The following HKDC1 variants were observed in gnomAD, a reference collection of about 807,000 sequenced individuals.
HKDC1 encodes the protein hexokinase domain containing 1.
A neutral mutation model predicts 96.6 loss-of-function variants in HKDC1; 66 were observed. That is an observed-to-expected ratio of 0.68 (90% CI 0.56 to 0.84). HKDC1 has a LOEUF of 0.84. HKDC1 is among the 40% of genes least tolerant of loss of function. HKDC1 has a pLI of 0.00. For synonymous variants in HKDC1, 466 were observed against 473.1 expected (o/e 0.98, Z 0.20); for missense variants, 1,211 against 1,208.1 (o/e 1.00, Z -0.04).
rs1342742396 is a variant in HKDC1, at chr10:69,238,601, C to A, written c.496-441C>A. On this transcript the variant is annotated intron_variant, in intron 4 of 17. Transcript: ENST00000354624. ...CCTTGTTAGCCAGGATGGTCTCGAT[C>A]TCCTGACCTCATGATCCACCCGCCT... Among the ~76,000 whole-genome samples the A allele has an allele frequency of 6.7e-5, 2 of 29,810 alleles. 1 individual carries two copies. The highest frequency in any genetic ancestry group is 5.6e-4 in the Admixed American group (2 of 3,574). 19.6% of individuals were successfully genotyped at this position (29,810 alleles called of 152,430 possible). A position where few individuals can be genotyped will look rare whatever the true frequency, so the allele number is the denominator to read the frequency against.
In HKDC1 at chr10:69,250,667, C is replaced by A; in HGVS notation, c.1836+15C>A. ...GCATTGACAAGGTAAGATAGCCCCA[C>A]CAGGCTCACGGCCAGCCCAGTGGGC... On this transcript the variant is annotated intron_variant, in intron 12 of 17. Coordinates refer to ENST00000354624, the MANE Select transcript of HKDC1 (RefSeq NM_025130.4). The A allele has an allele frequency of 6.2e-7, 1 of 1,612,556 alleles. No homozygotes were observed. Among genetic ancestry groups the A allele is most frequent in the Non-Finnish European group, 8.5e-7 (1 of 1,179,932 alleles).
intron 12 of HKDC1, among the ~76,000 whole-genome samples, chr10:69,252,138 T>A (rs1843652305): frequency 6.6e-6 from 1 of 152,202 alleles, no homozygotes; most frequent in Non-Finnish European, 1.5e-5. Context: ...TTGAAGAACA[T>A]CATAGTTTAT....
At position 69,233,108 on chromosome 10, in the gene HKDC1, C is replaced by G. The variant is rs1420316029; in HGVS notation, c.470C>G (p.Pro157Arg). Residue 157 changes from proline to arginine, a missense_variant, in exon 4 of 18, where the codon CCC (proline) becomes CGC (arginine). Coordinates refer to ENST00000354624, the MANE Select transcript of HKDC1 (RefSeq NM_025130.4). ...CCCCTTGGCCTAACTTTTTCTTTCCCCTGTCGACAGACTAAACTGGAAGAG... is the reference window on the plus strand; with the variant it reads ...CCCCTTGGCCTAACTTTTTCTTTCCGCTGTCGACAGACTAAACTGGAAGAG... ...KLPLGLTFSF[P>R]CRQTKLEEGV... 3.7e-6 allele frequency: 6 copies of G among 1,613,936 alleles called. No homozygotes were observed. The highest frequency in any genetic ancestry group is 2.7e-5 in the African/African-American group (2 of 74,886).
chr10:69,236,776 G>A (rs1372997872), intron 4 of HKDC1, among the ~76,000 whole-genome samples: 8 of 105,828 alleles, frequency 7.6e-5, no homozygotes, highest in South Asian at 2.9e-4. Context: ...GTGAAACTTC[G>A]TTTCAAAAAA....
In HKDC1 at chr10:69,264,024, G is replaced by T. The variant is rs375347957; in HGVS notation, c.2373-1561G>T. 2.8e-3 allele frequency among the ~76,000 whole-genome samples: 434 copies of T among 152,300 alleles called. 4 individuals carry two copies. The highest frequency in any genetic ancestry group is 0.025 in the South Asian group (120 of 4,830). On this transcript the variant is annotated intron_variant, in intron 16 of 17. Transcript: ENST00000354624. ...AAAATACAAATATTAGCTGGGCATG[G>T]TGGTGGGCCTATAATCCCAGCTACT...
At chr10:69,235,769 C>G (rs1843351118) in intron 4 of HKDC1, among the ~76,000 whole-genome samples, 2 of 152,166 alleles carry the variant, frequency 1.3e-5, no homozygotes, top group African/African-American at 4.8e-5. Flanking sequence ...GATGGTTTAT[C>G]CATCCAGGAT....
chr10:69,234,233 A>C (rs1178250821), intron 4 of HKDC1, among the ~76,000 whole-genome samples: 4 of 151,760 alleles, frequency 2.6e-5, no homozygotes, highest in African/African-American at 9.7e-5. Flanking sequence ...AGTCACATGG[A>C]CCTCCTTGGG....
intron 6 of HKDC1, among the ~76,000 whole-genome samples, chr10:69,242,400 C>A (rs1843467489): frequency 8.5e-6 from 1 of 117,460 alleles, no homozygotes; most frequent in Non-Finnish European, 1.6e-5. Context: ...ATACTCATAC[C>A]AGAGTATCAG....
chr10:69,240,846 C>A, intron 6 of HKDC1, 95 bp downstream of exon 6: 1 of 837,286 alleles, frequency 1.2e-6, no homozygotes, highest in African/African-American at 1.7e-5. Flanking sequence ...GCGGGAAGGG[C>A]ACTGCACTAT....
chr10:69,237,628 T>A (rs992434624), intron 4 of HKDC1, among the ~76,000 whole-genome samples: 15 of 152,214 alleles, frequency 9.9e-5, no homozygotes, highest in African/African-American at 3.6e-4. Flanking sequence ...TATCCCTCAC[T>A]TCCCCCATCC....
chr10:69,231,179 G>A (rs763079008), intron 2 of HKDC1, among the ~76,000 whole-genome samples: 5 of 152,168 alleles, frequency 3.3e-5, no homozygotes, highest in Non-Finnish European at 7.4e-5. Context: ...CCTCCCGTCC[G>A]ATGGCAGTGC....
chr10:69,225,876 T>C (rs1024216458), intron 1 of HKDC1: 11 of 152,234 alleles, frequency 7.2e-5, no homozygotes, highest in African/African-American at 1.9e-4. Context: ...GCTGTGGCGA[T>C]GAGAAGAGGT....
At chr10:69,244,666 A>G (rs56061483) in intron 7 of HKDC1, among the ~76,000 whole-genome samples, 1 of 298 alleles carries the variant, frequency 3.4e-3, no homozygotes, top group African/African-American at 5.7e-3. Context: ...ATAAAAATTA[A>G]AAAAAAAAAA....
chr10:69,251,186 C>T (rs1446141652), intron 12 of HKDC1, among the ~76,000 whole-genome samples: 1 of 149,992 alleles, frequency 6.7e-6, no homozygotes, highest in Admixed American at 6.7e-5. Context: ...CCTCTGCCTC[C>T]TGGGTTCAAG....
chr10:69,264,543 A>T (rs1329830977), intron 16 of HKDC1, among the ~76,000 whole-genome samples: 3 of 151,986 alleles, frequency 2.0e-5, no homozygotes, highest in Admixed American at 1.3e-4. Flanking sequence ...CTCATTTAAA[A>T]TTTTTTAGAG....
At chr10:69,240,573 C>A in intron 5 of HKDC1, 79 bp from the exon 6 acceptor site, 1 of 1,198,920 alleles carries the variant, frequency 8.3e-7, no homozygotes, top group Non-Finnish European at 1.2e-6. Context: ...ACCTTCACTA[C>A]CTGCTGCCTC....
rs151179698 is a variant in HKDC1 at position 69,258,833 on chromosome 10, G to C, written c.2090G>C (p.Gly697Ala). The change falls in exon 15 of 18, where the codon GGG (glycine) becomes GCG (alanine). Residue 697 changes from glycine to alanine, a missense_variant. Physicochemically the swap from Gly to Ala is moderately conservative, Grantham distance 60 (BLOSUM62 0). Coordinates refer to ENST00000354624, the MANE Select transcript of HKDC1 (RefSeq NM_025130.4). ...EDMRNIEMVE[G>A]GEGKMCINTE... ...ATGAGGAACATCGAGATGGTGGAGG[G>C]GGGTGAAGGGAAGATGTGCATCAAT... The C allele has an allele frequency of 3.1e-4, 501 of 1,614,100 alleles. 2 individuals are homozygous for C. In the African/African-American group the frequency reaches 6.0e-3, roughly 19 times the overall value.
chr10:69,243,509 T>G lies in HKDC1; in HGVS notation c.875+144T>G, dbSNP rs998988049. 3,032 of 769,790 alleles carry G rather than the reference T, an allele frequency of 3.9e-3. 22 individuals carry two copies. The highest frequency in any genetic ancestry group is 5.4e-3 in the Non-Finnish European group (2,763 of 513,440). 47.7% of individuals were successfully genotyped at this position (769,790 alleles called of 1,614,324 possible). A position where few individuals can be genotyped will look rare whatever the true frequency, so the allele number is the denominator to read the frequency against. ...CTTTTTTTCTTTTTCCTTTTTTTTT[T>G]TTTTTGAGATGGAGTCTCACTCTCT... On this transcript the variant is annotated intron_variant, in intron 7 of 17. Coordinates refer to ENST00000354624, the MANE Select transcript of HKDC1 (RefSeq NM_025130.4).
At position 69,249,152 on chromosome 10, in the gene HKDC1, A is replaced by G. The variant is rs188806317; in HGVS notation, c.1570+424A>G. Among the ~76,000 whole-genome samples, 54 of 151,814 alleles carry G rather than the reference A, an allele frequency of 3.6e-4. No homozygotes were observed. The Middle Eastern group carries it at 0.01, about 29-fold the overall frequency. On this transcript the variant is annotated intron_variant, in intron 10 of 17. Transcript: ENST00000354624. ...TTCCCTCTCATTGCTTCTGCCCCCAACTTCTCCAACCCTTGATCCTTCTGG... is the reference window on the plus strand; with the variant it reads ...TTCCCTCTCATTGCTTCTGCCCCCAGCTTCTCCAACCCTTGATCCTTCTGG...
Sources: gnomAD v4.1 joint callset for allele counts (sites outside exome capture counted in the v4.1 genomes callset) on GRCh38, gnomAD v4.1.1 for gene constraint, MANE v1.5 for transcripts, NCBI Gene and HGNC (gene_info 2026-07-23, HGNC 2026-07-21) for gene names.